RIMBP2: variants seen among roughly 807,000 people sequenced by gnomAD.
RIMBP2 encodes RIMS-binding protein 2.
In RIMBP2, 48 loss-of-function variants were observed where a neutral mutation model predicts 118.6. The observed-to-expected ratio is 0.40, with a 90% CI of 0.32 to 0.51. The LOEUF (loss-of-function observed/expected upper bound fraction) is 0.51, where lower values mean the gene tolerates loss of function less well. Among genes scored for constraint, RIMBP2 ranks in the 20% least tolerant of loss-of-function variants. The pLI is 0.41. For synonymous variants in RIMBP2, 762 were observed against 742.9 expected (o/e 1.03, Z -0.42); for missense variants, 1,551 against 1,768.3 (o/e 0.88, Z 2.20).
chr12:130,499,531 GTCATCTCCC>G (rs1363661790), intron 4 of RIMBP2, among the ~76,000 whole-genome samples: 4 of 152,280 alleles, frequency 2.6e-5, no homozygotes, highest in African/African-American at 9.6e-5. Context: ...TCTGCTCCAA[GTCATCTCCC>G]TCATCTGACC....
rs147862372 is a variant in RIMBP2 at position 130,456,507 on chromosome 12, G to T, written c.347C>A (p.Ser116Tyr). Residue 116 changes from serine (S) to tyrosine (Y), a missense_variant, in exon 7 of 23, where the codon TCC (serine) becomes TAC (tyrosine). Transcript: ENST00000690449. The stretch of plus-strand genomic sequence containing the variant: ...GTCCAGGCGCTTACCTTTGCCGAGG[G>T]AGGTGGCTAGGCCATTCATGAACTG... ...FPQFMNGLAT[S>Y]LGKGQESAIG... The T allele has an allele frequency of 8.2e-6, 13 of 1,589,374 alleles. No homozygotes were observed. In the African/African-American group the frequency reaches 1.7e-4, roughly 21 times the overall value.
At position 130,581,798 on chromosome 12, in the gene RIMBP2, T is replaced by C. The variant is rs1292313014; in HGVS notation, c.-217+46524A>G. Among the ~76,000 whole-genome samples, 4 of 152,226 alleles carry C rather than the reference T, an allele frequency of 2.6e-5. No homozygotes were observed. In the East Asian group the frequency reaches 7.7e-4, roughly 29 times the overall value. On this transcript the variant is annotated intron_variant, in intron 2 of 22. Coordinates refer to ENST00000690449, the MANE Select transcript of RIMBP2 (RefSeq NM_001393629.1). This position sits in a 1 kb window ranked among gnomAD's most constrained non-coding sequence, Gnocchi z 4.4. ...GTTCTTACTCCCCATTAGTAAGCTG[T>C]CAACATGGTGGCCAGAAGTCACAAC... is the stretch of plus-strand genomic sequence containing the variant.
intron 1 of RIMBP2, among the ~76,000 whole-genome samples, chr12:130,665,489 C>G (rs549774905): frequency 6.6e-6 from 1 of 151,298 alleles, no homozygotes; most frequent in Non-Finnish European, 1.5e-5. Flanking sequence ...CGTACCACAG[C>G]GAGCCGAGAT....
chr12:130,650,783 G>A (rs1175136034), intron 1 of RIMBP2, among the ~76,000 whole-genome samples: 2 of 151,984 alleles, frequency 1.3e-5, no homozygotes, highest in East Asian at 1.9e-4. Flanking sequence ...GTGGAGCGTC[G>A]GGGGAGAGAT....
intron 1 of RIMBP2, chr12:130,658,715 C>G (rs576792874): frequency 6.6e-6 from 1 of 152,296 alleles, no homozygotes; most frequent in Admixed American, 6.5e-5. Flanking sequence ...AGCTCCCTCC[C>G]GAGCCGGGTT....
intron 2 of RIMBP2, among the ~76,000 whole-genome samples, chr12:130,562,799 A>G (rs1177818552): frequency 1.3e-5 from 2 of 152,232 alleles, no homozygotes; most frequent in Admixed American, 1.3e-4. Context: ...TCAGCAAGCA[A>G]CCAAGTGCCT....
In RIMBP2 at chr12:130,617,781, C is replaced by G. The variant is rs1414011129; in HGVS notation, c.-217+10541G>C. On this transcript the variant is annotated intron_variant, in intron 2 of 22. Transcript: ENST00000690449. This position sits in a 1 kb window ranked among gnomAD's most constrained non-coding sequence, Gnocchi z 4.6. ...CGCAAATTAGATTATTCTGGTAGAA[C>G]AGGAATCACTCCGTTGTCTGGGCTA... is the stretch of plus-strand genomic sequence containing the variant. Among the ~76,000 whole-genome samples the G allele has an allele frequency of 6.6e-6, 1 of 152,164 alleles. No homozygotes were observed. The highest frequency in any genetic ancestry group is 6.5e-5 in the Admixed American group (1 of 15,276).
chr12:130,561,751 G>C (rs889642561), intron 2 of RIMBP2, among the ~76,000 whole-genome samples: 1 of 152,140 alleles, frequency 6.6e-6, no homozygotes, highest in Admixed American at 6.5e-5. Flanking sequence ...TGAACGCAGA[G>C]GCAGCCATCC....
In RIMBP2 at chr12:130,451,417, C is replaced by G. The variant is rs77657520; in HGVS notation, c.359-77G>C. ...AAAGCACGTTGGTCATGCGCCTACC[C>G]GGGGTGCCTTTCCCCTCTTTGACAA... On this transcript the variant is annotated intron_variant, in intron 7 of 22. Coordinates refer to ENST00000690449, the MANE Select transcript of RIMBP2 (RefSeq NM_001393629.1). 2,085 of 1,457,628 alleles carry G rather than the reference C, an allele frequency of 1.4e-3. 27 individuals are homozygous for G. The African/African-American group carries it at 0.027, about 19-fold the overall frequency. 90.3% of individuals were successfully genotyped at this position (1,457,628 alleles called of 1,614,324 possible). A position where few individuals can be genotyped will look rare whatever the true frequency, so the allele number is the denominator to read the frequency against.
At chr12:130,492,894 C>A (rs578107483) in intron 4 of RIMBP2, among the ~76,000 whole-genome samples, 17 of 152,196 alleles carry the variant, frequency 1.1e-4, no homozygotes, top group Non-Finnish European at 2.4e-4. Context: ...CTTTGGGAGG[C>A]CGAGGCGGGT....
intron 13 of RIMBP2, among the ~76,000 whole-genome samples, chr12:130,436,238 C>T (rs572428641): frequency 5.3e-5 from 8 of 152,322 alleles, no homozygotes; most frequent in African/African-American, 1.9e-4. Flanking sequence ...TGCCCTACCA[C>T]AATCCACATG....
At chr12:130,531,540 T>C (rs1008090682) in intron 2 of RIMBP2, among the ~76,000 whole-genome samples, 8 of 152,244 alleles carry the variant, frequency 5.3e-5, no homozygotes, top group African/African-American at 1.9e-4. Flanking sequence ...GTATAAATAA[T>C]CTGAGATTTA....
At chr12:130,639,487 CAAAAAAAAAAAAAAA>C (rs138670754) in intron 1 of RIMBP2, among the ~76,000 whole-genome samples, 39 of 88,086 alleles carry the variant, frequency 4.4e-4, no homozygotes, top group Non-Finnish European at 7.3e-4. Context: ...GATCCTGCCT[CAAAAAAAAAAAAAAA>C]AAAAAAAAAA....
chr12:130,646,118 ACCACCTGCCTCT>A lies in RIMBP2; in HGVS notation c.-351-17674_-351-17663del, dbSNP rs1464973082. Among the ~76,000 whole-genome samples the A allele has an allele frequency of 7.7e-3, 478 of 62,416 alleles. 50 individuals carry two copies. The highest frequency in any genetic ancestry group is 0.041 in the Middle Eastern group (5 of 122). 40.9% of individuals were successfully genotyped at this position (62,416 alleles called of 152,430 possible). A position where few individuals can be genotyped will look rare whatever the true frequency, so the allele number is the denominator to read the frequency against. On this transcript the variant is annotated intron_variant, in intron 1 of 22. Coordinates refer to ENST00000690449, the MANE Select transcript of RIMBP2 (RefSeq NM_001393629.1). ...CTCCACCTCCCTCTCCACCTCCCTC[ACCACCTGCCTCT>A]CCACCTCCCTCACCACCTGCCTCTC...
Position 130,446,384 on chromosome 12 carries a change from T to C in RIMBP2, c.582-1115A>G, listed in dbSNP as rs1421036471. Among the ~76,000 whole-genome samples the C allele has an allele frequency of 6.6e-6, 1 of 152,220 alleles. No homozygotes were observed. The highest frequency in any genetic ancestry group is 1.9e-4 in the East Asian group (1 of 5,196). On this transcript the variant is annotated intron_variant, in intron 9 of 22. Transcript: ENST00000690449. This position sits in a 1 kb window ranked among gnomAD's most constrained non-coding sequence, Gnocchi z 4.1. ...GAGAAGATAAGGTCCCCAGTCTCAATGGCTGAGTGAGGTCAGGCAACATGC... is the reference window on the plus strand; with the variant it reads ...GAGAAGATAAGGTCCCCAGTCTCAACGGCTGAGTGAGGTCAGGCAACATGC...
chr12:130,698,485 G>A (rs1282637498), intron 1 of RIMBP2, among the ~76,000 whole-genome samples: 1 of 152,228 alleles, frequency 6.6e-6, no homozygotes, highest in Admixed American at 6.5e-5. Context: ...ACTGGACGCA[G>A]TGGCTCACAC....
intron 4 of RIMBP2, among the ~76,000 whole-genome samples, chr12:130,479,399 C>T (rs894429479): frequency 2.0e-5 from 3 of 152,294 alleles, no homozygotes; most frequent in Non-Finnish European, 2.9e-5. Context: ...TTGATGCTGC[C>T]CTGTGTGCCC....
chr12:130,421,691 A>ATGTGTGTGTG (rs35161782), intron 17 of RIMBP2, among the ~76,000 whole-genome samples: 10,165 of 147,198 alleles, frequency 0.069, 512 homozygotes, highest in Admixed American at 0.17. Flanking sequence ...CTGCATTTAT[A>ATGTGTGTGTG]TGTGTGTGTG....
At chr12:130,642,945 C>G (rs909898370) in intron 1 of RIMBP2, among the ~76,000 whole-genome samples, 1 of 152,176 alleles carries the variant, frequency 6.6e-6, no homozygotes, top group Non-Finnish European at 1.5e-5. Flanking sequence ...CTCCGTGGAG[C>G]GCCATCAATT....
Sources: allele counts gnomAD v4.1 joint callset (sites outside exome capture counted in the v4.1 genomes callset), GRCh38; gene constraint gnomAD v4.1.1; non-coding constraint Gnocchi (gnomAD v3.1); transcripts MANE v1.5; gene names NCBI Gene and HGNC (gene_info 2026-07-23, HGNC 2026-07-21).